NPTN: variants seen among roughly 807,000 people sequenced by gnomAD.
NPTN encodes SDR-1.
Under a neutral mutation model 42.7 loss-of-function variants are expected in NPTN, and 5 were observed. The ratio of observed to expected loss-of-function variants is 0.12; its 90% confidence interval spans 0.06 to 0.25. The LOEUF is 0.25. Among genes scored for constraint, NPTN ranks in the 10% least tolerant of loss-of-function variants. NPTN has a pLI of 1.00. For missense variants in NPTN, 307 were observed against 525.4 expected, an observed-to-expected ratio of 0.58 and a Z score of 4.06; for synonymous variants, 180 against 201.9, an observed-to-expected ratio of 0.89 and a Z score of 0.92.
At position 73,625,035 on chromosome 15, in the gene NPTN, T is replaced by C. The variant is rs116217102; in HGVS notation, c.91+8090A>G. 5.8e-3 allele frequency among the ~76,000 whole-genome samples: 887 copies of C among 152,304 alleles called. 6 individuals are homozygous for C. Among genetic ancestry groups the C allele is most frequent in the African/African-American group, 0.02 (845 of 41,546 alleles). Reference sequence around the variant, plus strand: ...TAACAGTATATGCTGATATTACTGATAAATGTCTAGTGAAAATCCTTGTGT... The same window carrying C: ...TAACAGTATATGCTGATATTACTGACAAATGTCTAGTGAAAATCCTTGTGT... On this transcript the variant is annotated intron_variant, in intron 1 of 8. Transcript: ENST00000345330.
intron 6 of NPTN, among the ~76,000 whole-genome samples, chr15:73,565,115 C>T (rs1894906684): frequency 6.6e-6 from 1 of 152,220 alleles, no homozygotes; most frequent in Non-Finnish European, 1.5e-5. Flanking sequence ...GTTTTAGCGA[C>T]AGTGCCTCCG....
Position 73,597,388 on chromosome 15 carries a change from G to A in NPTN, c.92-19C>T. 6.3e-7 allele frequency: 1 copy of A among 1,575,164 alleles called. No individual in the cohort carries two copies. The highest frequency in any genetic ancestry group is 8.7e-7 in the Non-Finnish European group (1 of 1,148,704). On this transcript the variant is annotated intron_variant, in intron 1 of 8. Transcript: ENST00000345330. This position sits in a 1 kb window ranked among gnomAD's most constrained non-coding sequence, Gnocchi z 6.3. ...AACCCAGCTAGAGGGAGGGGGAGCA[G>A]GAATGCAGTGACAGGCCAATCAGAA...
intron 1 of NPTN, among the ~76,000 whole-genome samples, chr15:73,628,962 T>C (rs1566994740): frequency 6.6e-6 from 1 of 152,242 alleles, no homozygotes; most frequent in Non-Finnish European, 1.5e-5. Flanking sequence ...AGACCTGTAA[T>C]GAATTCCAAC....
intron 4 of NPTN, among the ~76,000 whole-genome samples, chr15:73,575,014 GCTCTTGTCGC>G (rs1895610961): frequency 6.6e-6 from 1 of 152,184 alleles, no homozygotes; most frequent in Non-Finnish European, 1.5e-5. Context: ...ACAGAGTTTC[GCTCTTGTCGC>G]CTAGGCTGGA....
intron 1 of NPTN, among the ~76,000 whole-genome samples, chr15:73,604,328 A>T (rs55695286): frequency 0.16 from 24,798 of 151,930 alleles, 3,123 homozygotes; most frequent in African/African-American, 0.35. Context: ...TGGTGGTGCA[A>T]GTCTATGATT....
At position 73,633,359 on chromosome 15, in the gene NPTN, C is replaced by T. The variant is rs1391897175; in HGVS notation, c.-144G>A. On this transcript the variant is annotated 5_prime_UTR_variant, in exon 1 of 9. Coordinates refer to ENST00000345330, the MANE Select transcript of NPTN (RefSeq NM_012428.4). Reference sequence around the variant, plus strand: ...GCGGCTCGGCTCCGTCCTTCCCCGTCCTCCTCCTGCCGCCGCAGCGCCCAG... The same window carrying T: ...GCGGCTCGGCTCCGTCCTTCCCCGTTCTCCTCCTGCCGCCGCAGCGCCCAG... 2.9e-5 allele frequency: 16 copies of T among 542,530 alleles called. No individual in the cohort carries two copies. Among genetic ancestry groups the T allele is most frequent in the Non-Finnish European group, 4.5e-5 (15 of 333,538 alleles). The allele number at this position is 542,530 out of a possible 1,614,324, so 33.6% of individuals were successfully genotyped here.
intron 1 of NPTN, among the ~76,000 whole-genome samples, chr15:73,604,394 T>C (rs1897203043): frequency 6.6e-6 from 1 of 152,164 alleles, no homozygotes; most frequent in South Asian, 2.1e-4. Context: ...AAGTTGAGGC[T>C]GCAGCATGCT....
chr15:73,567,168 G>C (rs1200767780), intron 6 of NPTN: 2 of 984,806 alleles, frequency 2.0e-6, no homozygotes, highest in Non-Finnish European at 2.4e-6. Context: ...TAGTGCTTTT[G>C]TAGTAAGGGG....
At chr15:73,575,246 G>T (rs1332937539) in intron 4 of NPTN, among the ~76,000 whole-genome samples, 1 of 152,112 alleles carries the variant, frequency 6.6e-6, no homozygotes, top group Non-Finnish European at 1.5e-5. Context: ...GCCTCCCAAA[G>T]TGTTGGGATT....
chr15:73,605,308 T>C (rs1897250660), intron 1 of NPTN, among the ~76,000 whole-genome samples: 1 of 151,036 alleles, frequency 6.6e-6, no homozygotes, highest in Non-Finnish European at 1.5e-5. Context: ...ATGTTTCAAA[T>C]AGAAAGTGAC....
chr15:73,602,388 A>G (rs1897117162), intron 1 of NPTN, among the ~76,000 whole-genome samples: 1 of 152,196 alleles, frequency 6.6e-6, no homozygotes, highest in African/African-American at 2.4e-5. Flanking sequence ...CAAGATCATA[A>G]GAGCGTTTCT....
At chr15:73,564,475 A>G (rs1200439663) in intron 6 of NPTN, among the ~76,000 whole-genome samples, 2 of 152,218 alleles carry the variant, frequency 1.3e-5, no homozygotes, top group African/African-American at 4.8e-5. Context: ...GGAGCAAAAA[A>G]GGATTTCAAA....
chr15:73,626,772 C>T (rs781431715), intron 1 of NPTN, among the ~76,000 whole-genome samples: 3 of 152,086 alleles, frequency 2.0e-5, no homozygotes, highest in Non-Finnish European at 2.9e-5. Flanking sequence ...ACTATTGGTA[C>T]GATTTGGGAC....
At chr15:73,621,209 C>T (rs1325170269) in intron 1 of NPTN, among the ~76,000 whole-genome samples, 1 of 152,002 alleles carries the variant, frequency 6.6e-6, no homozygotes, top group Non-Finnish European at 1.5e-5. Flanking sequence ...GCAGTGAGCA[C>T]ACTACAAAGA....
intron 1 of NPTN, among the ~76,000 whole-genome samples, chr15:73,602,496 T>C (rs542661789): frequency 2.6e-5 from 4 of 152,298 alleles, no homozygotes; most frequent in African/African-American, 7.2e-5. Context: ...ATACAGGAAC[T>C]ATGAGTATTT....
intron 1 of NPTN, among the ~76,000 whole-genome samples, chr15:73,602,436 G>A (rs951130289): frequency 2.6e-5 from 4 of 152,002 alleles, no homozygotes; most frequent in East Asian, 1.9e-4. Context: ...AATTCAAATC[G>A]TCTACCTCAA....
chr15:73,590,489 C>G (rs1896531842), intron 3 of NPTN, among the ~76,000 whole-genome samples: 1 of 151,964 alleles, frequency 6.6e-6, no homozygotes, highest in Non-Finnish European at 1.5e-5. Context: ...AGGCTGGACA[C>G]AGTGGCTCAC....
chr15:73,568,670 TG>T, intron 6 of NPTN: 1 of 985,468 alleles, frequency 1.0e-6, no homozygotes, highest in Non-Finnish European at 1.2e-6. Flanking sequence ...GTAAAACTCA[TG>T]GGGACACTCC....
chr15:73,570,147 T>C lies in NPTN; in HGVS notation c.1114+3A>G. 3 of 1,600,834 alleles carry C rather than the reference T, an allele frequency of 1.9e-6. No individual in the cohort carries two copies. The highest frequency in any genetic ancestry group is 2.6e-6 in the Non-Finnish European group (3 of 1,171,338). The stretch of plus-strand genomic sequence containing the variant: ...TACAGCTATTTTGTAGGGATGCTCT[T>C]ACCGTCAGGAACCTCATCTGGCCTC... On this transcript the variant is annotated splice_donor_region_variant and intron_variant, in intron 6 of 8. Coordinates refer to ENST00000345330, the MANE Select transcript of NPTN (RefSeq NM_012428.4). The surrounding 1 kb of genome is among the most constrained non-coding windows in gnomAD (Gnocchi z 4.0).
Sources: allele counts gnomAD v4.1 joint callset (sites outside exome capture counted in the v4.1 genomes callset), GRCh38; gene constraint gnomAD v4.1.1; non-coding constraint Gnocchi (gnomAD v3.1); transcripts MANE v1.5; gene names NCBI Gene and HGNC (gene_info 2026-07-23, HGNC 2026-07-21).